CPVL: variants seen among roughly 807,000 people sequenced by gnomAD.
CPVL encodes carboxypeptidase vitellogenic like, also known as probable serine carboxypeptidase CPVL.
CPVL carries 51 observed loss-of-function variants against 63.7 expected under a neutral mutation model. That is an observed-to-expected ratio of 0.80 (90% CI 0.64 to 1.01). The LOEUF (loss-of-function observed/expected upper bound fraction) is 1.01, where lower values mean the gene tolerates loss of function less well. Among genes scored for constraint, CPVL ranks in the 50% least tolerant of loss-of-function variants. CPVL has a pLI of 0.00. For missense variants in CPVL, 530 were observed against 573.1 expected (o/e 0.92, Z 0.77); for synonymous variants, 195 against 206.0 (o/e 0.95, Z 0.46).
At chr7:29,010,013 C>A (rs1008974484) in intron 12 of CPVL, 4 of 152,034 alleles carry the variant, frequency 2.6e-5, no homozygotes, top group African/African-American at 9.6e-5. Flanking sequence ...TTTTCTTCTC[C>A]CCTACACAGA....
chr7:29,102,446 G>C (rs1002101941), intron 3 of CPVL, among the ~76,000 whole-genome samples: 4 of 152,096 alleles, frequency 2.6e-5, no homozygotes, highest in Non-Finnish European at 5.9e-5. Flanking sequence ...GGTAACATTT[G>C]AGCTGAGATC....
At chr7:29,073,494 C>T (rs565434959) in intron 7 of CPVL, among the ~76,000 whole-genome samples, 3 of 152,240 alleles carry the variant, frequency 2.0e-5, no homozygotes, top group East Asian at 3.9e-4. Context: ...CCCTTCTCTA[C>T]CCTCAACCCC....
upstream of CPVL, among the ~76,000 whole-genome samples, chr7:29,148,018 G>T (rs1040849766): frequency 4.6e-5 from 7 of 152,150 alleles, no homozygotes; most frequent in African/African-American, 1.7e-4. Flanking sequence ...GTGGAAGCTC[G>T]GTCAAGCTTC....
At chr7:29,126,537 C>T (rs972884210) in intron 1 of CPVL, 1 of 152,142 alleles carries the variant, frequency 6.6e-6, no homozygotes, top group Non-Finnish European at 1.5e-5. Context: ...GAAAAGAAAC[C>T]TGAAAATGCC....
intron 5 of CPVL, among the ~76,000 whole-genome samples, chr7:29,156,551 A>C (rs959353076): frequency 7.9e-4 from 121 of 152,310 alleles, no homozygotes; most frequent in African/African-American, 2.8e-3. Flanking sequence ...TTTTGCCCTG[A>C]GGCATCTGAA....
At chr7:29,176,274 C>T (rs550510117) in intron 5 of CPVL, among the ~76,000 whole-genome samples, 17 of 151,462 alleles carry the variant, frequency 1.1e-4, no homozygotes, top group Non-Finnish European at 1.8e-4. Context: ...TCAAGAAGGC[C>T]AATAGGTCCT....
intron 5 of CPVL, among the ~76,000 whole-genome samples, chr7:29,160,368 C>T (rs150057994): frequency 5.6e-4 from 86 of 152,260 alleles, no homozygotes; most frequent in African/African-American, 1.9e-3. Flanking sequence ...TGGCTGACAA[C>T]GTTACTGGCT....
intron 1 of CPVL, among the ~76,000 whole-genome samples, chr7:29,144,404 T>C (rs557645184): frequency 2.9e-4 from 44 of 152,108 alleles, no homozygotes; most frequent in African/African-American, 9.9e-4. Flanking sequence ...CTACCAAAGA[T>C]ACAAAAATTA....
chr7:28,996,703 C>T (rs1479247135), intron 12 of CPVL, among the ~76,000 whole-genome samples: 5 of 152,048 alleles, frequency 3.3e-5, no homozygotes, highest in South Asian at 2.1e-4. Flanking sequence ...CATATAGTGA[C>T]GATTTTGAGT....
At position 29,046,085 on chromosome 7, in the gene CPVL, C is replaced by CTTTT. The variant is rs1233373004; in HGVS notation, c.1138-15330_1138-15327dup. ...TTTACCATTTCCTGACTAGATGAAC[C>CTTTT]TTTTTTTTTTTTTTTTTGAGATGGA... On this transcript the variant is annotated intron_variant, in intron 11 of 12. Transcript: ENST00000265394. 2.8e-3 allele frequency among the ~76,000 whole-genome samples: 378 copies of CTTTT among 135,332 alleles called. 3 individuals carry two copies. Among genetic ancestry groups the CTTTT allele is most frequent in the African/African-American group, 0.01 (359 of 35,784 alleles). The allele number at this position is 135,332 out of a possible 152,430, so 88.8% of individuals were successfully genotyped here.
intron 1 of CPVL, among the ~76,000 whole-genome samples, chr7:29,121,554 A>G (rs914897716): frequency 2.6e-5 from 4 of 152,218 alleles, no homozygotes; most frequent in African/African-American, 9.6e-5. Context: ...AATGGGTGGT[A>G]GAAACCATTA....
At chr7:29,139,570 G>A (rs9639594) in intron 1 of CPVL, among the ~76,000 whole-genome samples, 30,239 of 151,970 alleles carry the variant, frequency 0.2, 3,292 homozygotes, top group Middle Eastern at 0.32. Flanking sequence ...TAAATTACAT[G>A]TTTTTTAAGC....
At chr7:29,186,626 G>C (rs1338945638) in intron 1 of CPVL, 1 of 151,944 alleles carries the variant, frequency 6.6e-6, no homozygotes, top group Non-Finnish European at 1.5e-5. Context: ...AAGGGAGGGA[G>C]GGAGAGGGAG....
chr7:29,117,451 C>G (rs1450176443), intron 2 of CPVL, among the ~76,000 whole-genome samples: 1 of 152,194 alleles, frequency 6.6e-6, no homozygotes, highest in Non-Finnish European at 1.5e-5. Flanking sequence ...TCATTTGGTA[C>G]GCACAGACCT....
chr7:29,032,095 C>T (rs906211731), intron 11 of CPVL, among the ~76,000 whole-genome samples: 1 of 152,126 alleles, frequency 6.6e-6, no homozygotes, highest in African/African-American at 2.4e-5. Context: ...CTCCATGCTA[C>T]TTTTGATCTA....
intron 4 of CPVL, among the ~76,000 whole-genome samples, chr7:29,181,862 G>T (rs190912842): frequency 2.0e-5 from 3 of 151,990 alleles, no homozygotes; most frequent in African/African-American, 7.3e-5. Context: ...AATTCCTAAG[G>T]GGGGGAAAAG....
intron 12 of CPVL, among the ~76,000 whole-genome samples, chr7:29,018,287 C>T (rs996264164): frequency 6.7e-6 from 1 of 150,262 alleles, no homozygotes; most frequent in South Asian, 2.1e-4. Flanking sequence ...TTTCTTTCTC[C>T]AGGACATTCA....
chr7:29,184,312 ATC>A (rs1462753891), intron 4 of CPVL: 5 of 151,506 alleles, frequency 3.3e-5, no homozygotes, highest in South Asian at 2.1e-4. Flanking sequence ...TATATGGTAT[ATC>A]TCATATCTCA....
intron 12 of CPVL, among the ~76,000 whole-genome samples, chr7:29,022,430 C>G (rs567340538): frequency 6.6e-6 from 1 of 152,256 alleles, no homozygotes; most frequent in East Asian, 1.9e-4. Context: ...CCTAGTGTGC[C>G]ATTTGAGGGC....
Sources: allele counts gnomAD v4.1 joint callset (sites outside exome capture counted in the v4.1 genomes callset), GRCh38; gene constraint gnomAD v4.1.1; transcripts MANE v1.5; gene names NCBI Gene and HGNC (gene_info 2026-07-23, HGNC 2026-07-21).